Variants in COL4A6 observed in about 807,000 individuals in gnomAD.
COL4A6 encodes collagen alpha-6(IV) chain.
COL4A6 carries 59 observed loss-of-function variants against 126.7 expected under a neutral mutation model. The observed-to-expected ratio is 0.47, with a 90% CI of 0.38 to 0.58. The LOEUF (loss-of-function observed/expected upper bound fraction) is 0.58. Ranked by LOEUF, COL4A6 falls within the 20% of genes least tolerant of loss-of-function variation. COL4A6 has a pLI of 0.00. For missense variants in COL4A6, 1,285 were observed against 1,337.3 expected, an observed-to-expected ratio of 0.96 and a Z score of 0.61; for synonymous variants, 547 against 496.6, an observed-to-expected ratio of 1.10 and a Z score of -1.35.
At chrX:108,266,454 G>T (rs1264694644) in intron 3 of COL4A6, among the ~76,000 whole-genome samples, 1 of 111,250 alleles carries the variant, frequency 9.0e-6, no homozygotes, top group Non-Finnish European at 1.9e-5. Context: ...AGGTATTGCG[G>T]CTATTTTCAC....
chrX:108,420,664 G>C (rs1482964988), intron 2 of COL4A6, among the ~76,000 whole-genome samples: 1 of 111,846 alleles, frequency 8.9e-6, no homozygotes, highest in Non-Finnish European at 1.9e-5. Context: ...GCATCTAATA[G>C]TGGACATGAA....
At chrX:108,228,407 A>C (rs1313156073) in intron 3 of COL4A6, among the ~76,000 whole-genome samples, 1 of 112,460 alleles carries the variant, frequency 8.9e-6, no homozygotes, top group Non-Finnish European at 1.9e-5. Context: ...GGCAAGTATG[A>C]ATATACATGT....
At chrX:108,350,231 A>G (rs914328038) in intron 2 of COL4A6, among the ~76,000 whole-genome samples, 9 of 112,162 alleles carry the variant, frequency 8.0e-5, no homozygotes, top group African/African-American at 2.9e-4. Context: ...TGGTGGCTAA[A>G]TTCAATAATT....
At position 108,272,562 on chromosome X, in the gene COL4A6, T is replaced by C. The variant is rs151233577; in HGVS notation, c.144+38186A>G. On this transcript the variant is annotated intron_variant, in intron 3 of 44. Transcript: ENST00000334504. ...AATTCTCTTCATAATAAAAATGAGATGAGTGGAAATTTAATTAAAACCAAG... is the reference window on the plus strand; with the variant it reads ...AATTCTCTTCATAATAAAAATGAGACGAGTGGAAATTTAATTAAAACCAAG... Among the ~76,000 whole-genome samples the C allele has an allele frequency of 6.9e-3, 776 of 111,726 alleles. 9 individuals carry two copies. The highest frequency in any genetic ancestry group is 0.024 in the African/African-American group (723 of 30,750).
chrX:108,417,018 T>A (rs2041448256), intron 2 of COL4A6, among the ~76,000 whole-genome samples: 1 of 112,601 alleles, frequency 8.9e-6, no homozygotes, highest in Non-Finnish European at 1.9e-5. Context: ...TCTATTTTCC[T>A]TTCTTATTTC....
rs1294956253 is a variant in COL4A6 at position 108,287,219 on chromosome X, C to G, written c.144+23529G>C. 5.4e-5 allele frequency among the ~76,000 whole-genome samples: 6 copies of G among 112,086 alleles called. No homozygotes were observed. The Admixed American group carries it at 5.7e-4, about 11-fold the overall frequency. ...CCAAAAGTTATAATAACTGTTTAAA[C>G]GTCTTTGTCTTGTAATCCTATAATC... On this transcript the variant is annotated intron_variant, in intron 3 of 44. Coordinates refer to ENST00000334504, the MANE Select transcript of COL4A6 (RefSeq NM_033641.4).
chrX:108,175,402 T>G (rs1411170581), intron 29 of COL4A6, among the ~76,000 whole-genome samples, 187 bp from the exon 30 acceptor site: 1 of 111,416 alleles, frequency 9.0e-6, no homozygotes, highest in Non-Finnish European at 1.9e-5. Flanking sequence ...CCCAAGTCTA[T>G]CAGCAACTTT....
intron 40 of COL4A6, chrX:108,163,528 C>T (rs1405765644): frequency 8.7e-6 from 1 of 114,623 alleles, no homozygotes; most frequent in Non-Finnish European, 1.8e-5. Context: ...AAATATTTCC[C>T]CAGTGCTTAT....
Position 108,370,600 on chromosome X carries a change from A to G in COL4A6, c.64-59772T>C, listed in dbSNP as rs563236557. Among the ~76,000 whole-genome samples, 65 of 111,808 alleles carry G rather than the reference A, an allele frequency of 5.8e-4. No homozygotes were observed. The South Asian group carries it at 0.023, about 40-fold the overall frequency. On this transcript the variant is annotated intron_variant, in intron 2 of 44. Coordinates refer to ENST00000334504, the MANE Select transcript of COL4A6 (RefSeq NM_033641.4). ...TCTGACTATACATCAAGGACATTAT[A>G]TATAGCTTCTCTAAAACCTCAACAC...
intron 2 of COL4A6, among the ~76,000 whole-genome samples, chrX:108,327,353 T>C (rs747782351): frequency 9.5e-6 from 1 of 105,082 alleles, no homozygotes; most frequent in Non-Finnish European, 2.0e-5. Context: ...AAAAATTGTC[T>C]TCCACAAAAC....
At chrX:108,174,394 T>A in intron 31 of COL4A6, 46 bp downstream of exon 31, 3 of 1,170,355 alleles carry the variant, frequency 2.6e-6, no homozygotes, top group Non-Finnish European at 1.2e-6. Flanking sequence ...CCCCGTGAGA[T>A]GGGGGGCCTT....
chrX:108,282,089 A>G (rs1220112978), intron 3 of COL4A6, among the ~76,000 whole-genome samples: 2 of 111,087 alleles, frequency 1.8e-5, no homozygotes, highest in African/African-American at 3.3e-5. Context: ...CGCATGGGCA[A>G]AGACTTCATG....
chrX:108,161,530 C>CA, intron 42 of COL4A6, 89 bp downstream of exon 42: 1 of 572,077 alleles, frequency 1.7e-6, no homozygotes, highest in Non-Finnish European at 2.9e-6. Context: ...TATTAAGTTT[C>CA]AGACTTGAAG....
chrX:108,277,862 G>A (rs960035684), intron 3 of COL4A6, among the ~76,000 whole-genome samples: 1 of 112,174 alleles, frequency 8.9e-6, no homozygotes, highest in African/African-American at 3.2e-5. Context: ...AGCCACCGCT[G>A]CTGGTACCCA....
chrX:108,383,605 G>T, intron 2 of COL4A6: 1 of 530,936 alleles, frequency 1.9e-6, no homozygotes, highest in South Asian at 2.9e-5. Flanking sequence ...TTGTCCAGCT[G>T]AAGGATGCCC....
chrX:108,286,328 T>C (rs1329541443), intron 3 of COL4A6, among the ~76,000 whole-genome samples: 1 of 112,325 alleles, frequency 8.9e-6, no homozygotes, highest in African/African-American at 3.2e-5. Flanking sequence ...CCAGGGATCA[T>C]AATGCTATTC....
intron 5 of COL4A6, 61 bp from the exon 6 acceptor site, chrX:108,214,289 C>G (rs200445470): frequency 1.2e-6 from 1 of 842,266 alleles, no homozygotes; most frequent in Non-Finnish European, 1.7e-6. Flanking sequence ...TTCTAAATGG[C>G]TCCACAGCGA....
intron 2 of COL4A6, among the ~76,000 whole-genome samples, chrX:108,337,288 C>G (rs1385222493): frequency 1.8e-5 from 2 of 111,509 alleles, no homozygotes; most frequent in African/African-American, 3.3e-5. Context: ...CTGGTAATTC[C>G]TATTCCTTAC....
intron 2 of COL4A6, among the ~76,000 whole-genome samples, chrX:108,359,180 GAA>G (rs1477234244): frequency 3.6e-5 from 4 of 112,129 alleles, no homozygotes; most frequent in Non-Finnish European, 5.6e-5. Flanking sequence ...TAAAAAATGT[GAA>G]AGTCTCCTAC....
Sources: gnomAD v4.1 joint callset for allele counts (sites outside exome capture counted in the v4.1 genomes callset) on GRCh38, gnomAD v4.1.1 for gene constraint, MANE v1.5 for transcripts, NCBI Gene and HGNC (gene_info 2026-07-23, HGNC 2026-07-21) for gene names.